The following WWOX variants were observed in gnomAD, a reference collection of about 807,000 sequenced individuals.
WWOX encodes WW domain containing oxidoreductase.
WWOX carries 69 observed loss-of-function variants against 46.2 expected under a neutral mutation model. The ratio of observed to expected loss-of-function variants is 1.49; its 90% confidence interval spans 1.23 to 1.82. WWOX has a LOEUF of 1.82. Ranked by LOEUF, WWOX falls within the 40% of genes most tolerant of loss-of-function variation. The pLI, the probability that WWOX is intolerant of heterozygous loss-of-function variation, is 0.00. For missense variants in WWOX, 919 were observed against 542.6 expected, an observed-to-expected ratio of 1.69 and a Z score of -6.89; for synonymous variants, 359 against 202.6, an observed-to-expected ratio of 1.77 and a Z score of -6.56.
chr16:78,926,724 GA>G (rs958349816), intron 8 of WWOX, among the ~76,000 whole-genome samples: 1 of 152,178 alleles, frequency 6.6e-6, no homozygotes, highest in Non-Finnish European at 1.5e-5. Context: ...ACTTGATGGA[GA>G]AAAGTCTTTC....
At chr16:78,935,093 G>A (rs2045708135) in intron 8 of WWOX, among the ~76,000 whole-genome samples, 1 of 152,102 alleles carries the variant, frequency 6.6e-6, no homozygotes, top group Admixed American at 6.6e-5. Flanking sequence ...TCATTAAAAA[G>A]TCAGGAAAAA....
chr16:78,639,776 G>T (rs1292263423), intron 8 of WWOX, among the ~76,000 whole-genome samples: 1 of 152,082 alleles, frequency 6.6e-6, no homozygotes, highest in Non-Finnish European at 1.5e-5. Context: ...ATGTTGGCCA[G>T]GCTGGTCTTG....
intron 5 of WWOX, among the ~76,000 whole-genome samples, chr16:78,189,343 G>A (rs1443441403): frequency 6.6e-6 from 1 of 152,192 alleles, no homozygotes; most frequent in African/African-American, 2.4e-5. Context: ...CTGCCTCTTG[G>A]TAGCCGTGGG....
chr16:78,908,748 G>C (rs771626654), intron 8 of WWOX, among the ~76,000 whole-genome samples: 2 of 152,148 alleles, frequency 1.3e-5, no homozygotes, highest in Non-Finnish European at 1.5e-5. Context: ...CACTGAGTCA[G>C]TTCCTGGGTG....
intron 8 of WWOX, among the ~76,000 whole-genome samples, chr16:79,026,045 C>T (rs1222228304): frequency 2.0e-5 from 3 of 151,552 alleles, no homozygotes; most frequent in Non-Finnish European, 2.9e-5. Flanking sequence ...AGGCGATCTG[C>T]CTGTCTTGGC....
At chr16:78,907,122 G>A (rs1038592803) in intron 8 of WWOX, among the ~76,000 whole-genome samples, 2 of 152,112 alleles carry the variant, frequency 1.3e-5, no homozygotes, top group African/African-American at 4.8e-5. Context: ...TTCAGAGACT[G>A]GGGTTTTTTT....
chr16:78,833,237 C>T (rs1426173466), intron 8 of WWOX, among the ~76,000 whole-genome samples: 1 of 151,960 alleles, frequency 6.6e-6, no homozygotes. Flanking sequence ...AGAGATGGGG[C>T]TTGCTTGCTT....
chr16:79,140,118 C>T (rs552895162), intron 8 of WWOX, among the ~76,000 whole-genome samples: 1 of 152,144 alleles, frequency 6.6e-6, no homozygotes, highest in African/African-American at 2.4e-5. Context: ...AGCTCCTTAC[C>T]TGTGTTTTGT....
At chr16:78,909,184 G>C (rs746192718) in intron 8 of WWOX, among the ~76,000 whole-genome samples, 1 of 152,112 alleles carries the variant, frequency 6.6e-6, no homozygotes, top group Admixed American at 6.5e-5. Context: ...AATTTTCTCC[G>C]TTATAATTTT....
chr16:78,785,477 A>G (rs748700032), intron 8 of WWOX, among the ~76,000 whole-genome samples: 2 of 152,186 alleles, frequency 1.3e-5, no homozygotes, highest in Non-Finnish European at 2.9e-5. Flanking sequence ...ACAAACAAAC[A>G]CATTGTGCAC....
At chr16:78,757,719 T>G (rs1358926064) in intron 8 of WWOX, among the ~76,000 whole-genome samples, 1 of 151,856 alleles carries the variant, frequency 6.6e-6, no homozygotes, top group Non-Finnish European at 1.5e-5. Context: ...CCATTTTTAT[T>G]TATTTATATA....
At chr16:78,965,437 G>A (rs1394345596) in intron 8 of WWOX, among the ~76,000 whole-genome samples, 1 of 152,056 alleles carries the variant, frequency 6.6e-6, no homozygotes, top group Non-Finnish European at 1.5e-5. Context: ...GGGCATGGTG[G>A]CAGGCACTTG....
chr16:78,888,961 C>A (rs2044528311), intron 8 of WWOX, among the ~76,000 whole-genome samples: 1 of 152,090 alleles, frequency 6.6e-6, no homozygotes, highest in Non-Finnish European at 1.5e-5. Flanking sequence ...CCCCCTGATG[C>A]CCTTAGAAAG....
At chr16:78,802,932 A>AAAAAAAAAC (rs2050930471) in intron 8 of WWOX, among the ~76,000 whole-genome samples, 1 of 101,448 alleles carries the variant, frequency 9.9e-6, no homozygotes, top group African/African-American at 4.3e-5. Flanking sequence ...AAAAAAAAAA[A>AAAAAAAAAC]AAAAAAAAAA....
intron 8 of WWOX, chr16:78,896,981 A>T (rs1451182771): frequency 1.3e-5 from 2 of 151,870 alleles, no homozygotes; most frequent in African/African-American, 2.4e-5. Context: ...TAATCGCAGC[A>T]TGTTGGGAGG....
intron 8 of WWOX, among the ~76,000 whole-genome samples, chr16:78,494,662 T>C (rs1338506990): frequency 6.6e-6 from 1 of 152,188 alleles, no homozygotes; most frequent in African/African-American, 2.4e-5. Flanking sequence ...TTTTGCATGG[T>C]TCTGGCTTAA....
chr16:78,989,821 C>CGTGTGTTTGT (rs34409137), intron 8 of WWOX, among the ~76,000 whole-genome samples: 45,713 of 136,236 alleles, frequency 0.34, 8,045 homozygotes, highest in Non-Finnish European at 0.42. Context: ...GGTGTGTGAG[C>CGTGTGTTTGT]GTGTGTGTGT....
Position 78,578,577 on chromosome 16 carries a change from C to T in WWOX, c.1056+145825C>T, listed in dbSNP as rs570130953. ...TGCTGGGATTACAGGCGTGAGCCAC[C>T]GCGGCTGGCGAAAATTATATATTAT... is the stretch of plus-strand genomic sequence containing the variant. On this transcript the variant is annotated intron_variant, in intron 8 of 8. Coordinates refer to ENST00000566780, the MANE Select transcript of WWOX (RefSeq NM_016373.4). 5.3e-3 allele frequency among the ~76,000 whole-genome samples: 811 copies of T among 151,854 alleles called. 7 individuals carry two copies. The highest frequency in any genetic ancestry group is 0.018 in the African/African-American group (756 of 41,390).
chr16:78,987,945 G>A (rs912076359), intron 8 of WWOX, among the ~76,000 whole-genome samples: 1 of 152,026 alleles, frequency 6.6e-6, no homozygotes, highest in Non-Finnish European at 1.5e-5. Flanking sequence ...AGTCCCAGTG[G>A]GAAAGAGGTA....
Sources: allele counts gnomAD v4.1 joint callset (sites outside exome capture counted in the v4.1 genomes callset), GRCh38; gene constraint gnomAD v4.1.1; transcripts MANE v1.5; gene names NCBI Gene and HGNC (gene_info 2026-07-23, HGNC 2026-07-21).